Variants in LZTFL1 observed in about 807,000 individuals in gnomAD.
LZTFL1 encodes the protein leucine zipper transcription factor like 1.
Under a neutral mutation model 45.9 loss-of-function variants are expected in LZTFL1, and 25 were observed. The observed-to-expected ratio is 0.54, with a 90% CI of 0.40 to 0.76. LZTFL1 has a LOEUF of 0.76. LZTFL1 is among the 30% of genes least tolerant of loss of function. The probability of loss-of-function intolerance (pLI) is 0.00; values close to 1 mark genes in which losing one functional copy is unlikely to be tolerated. For missense variants in LZTFL1, 277 were observed against 331.1 expected, an observed-to-expected ratio of 0.84 and a Z score of 1.27; for synonymous variants, 93 against 117.4, an observed-to-expected ratio of 0.79 and a Z score of 1.35.
At chr3:45,842,311 G>T, upstream of LZTFL1, 1 of 663,924 alleles carries the variant, frequency 1.5e-6, no homozygotes, top group Non-Finnish European at 2.4e-6. Context: ...TAGCGGGAGG[G>T]TTGGGCTGCC....
intron 3 of LZTFL1, chr3:45,834,765 G>A (rs1700921351): frequency 6.5e-6 from 1 of 153,794 alleles, no homozygotes; most frequent in African/African-American, 2.4e-5. Flanking sequence ...TAGTGGGGGT[G>A]TGCCATCTGA....
At chr3:45,903,975 G>T (rs1295526853) in intron 2 of LZTFL1, among the ~76,000 whole-genome samples, 1 of 152,214 alleles carries the variant, frequency 6.6e-6, no homozygotes, top group Non-Finnish European at 1.5e-5. Context: ...AAAGAACACA[G>T]CTGAGTTTGG....
At chr3:45,848,282 T>C (rs977874649) in intron 4 of LZTFL1, among the ~76,000 whole-genome samples, 2 of 152,354 alleles carry the variant, frequency 1.3e-5, no homozygotes, top group Non-Finnish European at 1.5e-5. Flanking sequence ...TCTTCTTTTT[T>C]ACAATGGTCC....
Position 45,878,377 on chromosome 3 carries a change from T to A in LZTFL1, c.-214-19361A>T, listed in dbSNP as rs1701789219. Among the ~76,000 whole-genome samples, 3 of 152,206 alleles carry A rather than the reference T, an allele frequency of 2.0e-5. No homozygotes were observed. The South Asian group carries it at 6.2e-4, about 32-fold the overall frequency. On this transcript the variant is annotated intron_variant, in intron 2 of 4. Transcript: ENST00000472635. ...TGTAGCTATTTTGATGCTGTGGAAA[T>A]TTTCTGACTTTTCAAAAACTAGCCA...
chr3:45,840,445 A>G (rs1268793741), intron 1 of LZTFL1, among the ~76,000 whole-genome samples: 2 of 152,222 alleles, frequency 1.3e-5, no homozygotes, highest in Non-Finnish European at 2.9e-5. Flanking sequence ...CTATGCAACT[A>G]TCTACCTTGG....
Position 45,827,350 on chromosome 3 carries a change from G to A in LZTFL1, c.881+6C>T. On this transcript the variant is annotated splice_donor_region_variant and intron_variant, in intron 9 of 9. Transcript: ENST00000296135. Reference sequence around the variant, plus strand: ...GAAATCCAAAGGCGGGATCAGTGTGGCTTACTGTGCCAGTCTTTTCCTCAG... The same window carrying A: ...GAAATCCAAAGGCGGGATCAGTGTGACTTACTGTGCCAGTCTTTTCCTCAG... 2 of 1,590,114 alleles carry A rather than the reference G, an allele frequency of 1.3e-6. No individual in the cohort carries two copies. Among genetic ancestry groups the A allele is most frequent in the East Asian group, 2.2e-5 (1 of 44,782 alleles).
intron 2 of LZTFL1, among the ~76,000 whole-genome samples, chr3:45,885,590 CCTT>C (rs1701957500): frequency 6.6e-6 from 1 of 152,202 alleles, no homozygotes; most frequent in African/African-American, 2.4e-5. Context: ...TAAAGCAGTG[CCTT>C]TCAATAGCAC....
intron 2 of LZTFL1, among the ~76,000 whole-genome samples, chr3:45,861,228 C>T (rs545806428): frequency 6.8e-6 from 1 of 147,772 alleles, no homozygotes; most frequent in Non-Finnish European, 1.5e-5. Flanking sequence ...AAAAAAAAAC[C>T]CCAAAAACTC....
chr3:45,889,678 CTTT>C (rs1197563518), intron 2 of LZTFL1, among the ~76,000 whole-genome samples: 1 of 150,972 alleles, frequency 6.6e-6, no homozygotes, highest in Non-Finnish European at 1.5e-5. Context: ...CAGTGTATGT[CTTT>C]TTCTATTTTT....
intron 2 of LZTFL1, among the ~76,000 whole-genome samples, chr3:45,890,816 T>C (rs1404115024): frequency 1.3e-5 from 2 of 152,216 alleles, no homozygotes; most frequent in Non-Finnish European, 2.9e-5. Flanking sequence ...GAGGGGAATG[T>C]TTAAATGAAT....
Position 45,858,148 on chromosome 3 carries a change from A to G in LZTFL1, c.-138+792T>C, listed in dbSNP as rs180994289. On this transcript the variant is annotated intron_variant, in intron 3 of 4. Transcript: ENST00000472635. The stretch of plus-strand genomic sequence containing the variant: ...GAAAATCCTGTCTATATCCATTTCC[A>G]AGAAGAATAAATAAGTATATGAATA... Among the ~76,000 whole-genome samples the G allele has an allele frequency of 1.3e-3, 205 of 152,352 alleles. 1 individual carries two copies. Among genetic ancestry groups the G allele is most frequent in the South Asian group, 9.9e-3 (48 of 4,828 alleles).
intron 2 of LZTFL1, among the ~76,000 whole-genome samples, chr3:45,876,455 T>C (rs1056663150): frequency 6.6e-6 from 1 of 152,216 alleles, no homozygotes; most frequent in African/African-American, 2.4e-5. Context: ...TTAGTGTCCC[T>C]GTTTTACAAA....
upstream of LZTFL1, chr3:45,842,142 A>C (rs1474580270): frequency 2.0e-5 from 31 of 1,515,086 alleles, no homozygotes; most frequent in East Asian, 4.2e-4. Flanking sequence ...AAACCGAGGC[A>C]CGTGGACTGC....
rs56272405 is a variant in LZTFL1, at chr3:45,864,544, A to G, written c.-214-5528T>C. ...TTGGTTAATATTTAATGACATGAAA[A>G]CATTTATGCCAATGTTCAGTGCAGA... is the stretch of plus-strand genomic sequence containing the variant. On this transcript the variant is annotated intron_variant, in intron 2 of 4. Coordinates refer to the LZTFL1 transcript ENST00000472635. Among the ~76,000 whole-genome samples the G allele has an allele frequency of 1.1e-3, 175 of 152,324 alleles. 1 individual carries two copies. Among genetic ancestry groups the G allele is most frequent in the African/African-American group, 3.4e-3 (143 of 41,584 alleles).
At chr3:45,891,834 AG>A (rs1482323825) in intron 2 of LZTFL1, among the ~76,000 whole-genome samples, 1 of 152,120 alleles carries the variant, frequency 6.6e-6, no homozygotes, top group Non-Finnish European at 1.5e-5. Flanking sequence ...ATTACTTTGC[AG>A]AAAGTCCTTC....
intron 1 of LZTFL1, among the ~76,000 whole-genome samples, chr3:45,839,480 G>T (rs989497108): frequency 2.6e-5 from 4 of 152,098 alleles, no homozygotes; most frequent in Non-Finnish European, 5.9e-5. Context: ...TGTTTCCCAG[G>T]ATTCTACTAA....
rs773565091 is a variant in LZTFL1, at chr3:45,894,918, A to C, written c.-215+18202T>G. 4.3e-6 allele frequency: 7 copies of C among 1,614,034 alleles called. No individual in the cohort carries two copies. The South Asian group carries it at 7.7e-5, about 18-fold the overall frequency. ...GTCCCTTTTCCAGGAGCAGGCTTGC[A>C]TCTGACTGACCCACCATGACACCCA... On this transcript the variant is annotated intron_variant, in intron 2 of 4. Coordinates refer to the LZTFL1 transcript ENST00000472635.
Position 45,901,251 on chromosome 3 carries a change from C to T in LZTFL1, c.-215+11869G>A. ...TGCCATTGCCCAGGCCATGAGAGCA[C>T]ATACTTGGAGGGAGAAAAGGCTTTT... On this transcript the variant is annotated intron_variant, in intron 2 of 4. Transcript: ENST00000472635. The surrounding 1 kb of genome is among the most constrained non-coding windows in gnomAD (Gnocchi z 4.3). The T allele has an allele frequency of 6.2e-7, 1 of 1,614,182 alleles. No individual in the cohort carries two copies. The highest frequency in any genetic ancestry group is 8.5e-7 in the Non-Finnish European group (1 of 1,180,022).
chr3:45,873,516 G>T (rs1701702300), intron 2 of LZTFL1, among the ~76,000 whole-genome samples: 1 of 151,998 alleles, frequency 6.6e-6, no homozygotes, highest in Non-Finnish European at 1.5e-5. Context: ...CTGTAAAATT[G>T]TTTACTGCAT....
Sources: allele counts gnomAD v4.1 joint callset (sites outside exome capture counted in the v4.1 genomes callset), GRCh38; gene constraint gnomAD v4.1.1; non-coding constraint Gnocchi (gnomAD v3.1); transcripts MANE v1.5; gene names NCBI Gene and HGNC (gene_info 2026-07-23, HGNC 2026-07-21).